Variants in ADAM20 observed in about 807,000 individuals in gnomAD.
The protein encoded by ADAM20 is ADAM metallopeptidase domain 20.
For missense variants in ADAM20, 871 were observed against 883.2 expected, an observed-to-expected ratio of 0.99 and a Z score of 0.18; for synonymous variants, 305 against 310.2, an observed-to-expected ratio of 0.98 and a Z score of 0.18.
At chr14:70,556,187 T>C in the ADAM20 span, 1 of 152,502 alleles carries the variant, frequency 6.6e-6, no homozygotes. Context: ...CAGGCCCTAC[T>C]GGCGCTCTGC....
At chr14:70,560,363 T>C in the ADAM20 span, among the ~76,000 whole-genome samples, 1 of 152,138 alleles carries the variant, frequency 6.6e-6, no homozygotes, top group Non-Finnish European at 1.5e-5. Flanking sequence ...TGAATAAAGA[T>C]GCTAATAAAC....
rs1390507593 is a variant in ADAM20, at chr14:70,523,149, G to A, written c.1609C>T (p.Gln537Ter). 2 of 1,613,828 alleles carry A rather than the reference G, an allele frequency of 1.2e-6. No homozygotes were observed. The highest frequency in any genetic ancestry group is 1.7e-6 in the Non-Finnish European group (2 of 1,179,942). ...SQSCYQEINT[Q>*]GNRFGHCGIV... ...CCACAGTGACCGAAACGGTTTCCTTGGGTGTTGATTTCTTGGTAGCAACTC... is the reference window on the plus strand; with the variant it reads ...CCACAGTGACCGAAACGGTTTCCTTAGGTGTTGATTTCTTGGTAGCAACTC... The change falls in exon 2 of 2, where the codon CAA becomes TAA. Residue 537 changes from glutamine (Q) to a stop codon, truncating the protein, a stop_gained. Transcript: ENST00000256389. LOFTEE classifies it low-confidence loss of function (END_TRUNC).
At chr14:70,566,484 A>C in the ADAM20 span, among the ~76,000 whole-genome samples, 3 of 152,158 alleles carry the variant, frequency 2.0e-5, no homozygotes, top group Non-Finnish European at 4.4e-5. Flanking sequence ...AAATCAAGTC[A>C]CCAAAGAAGA....
chr14:70,548,754 C>A, the ADAM20 span, among the ~76,000 whole-genome samples: 2 of 104,070 alleles, frequency 1.9e-5, no homozygotes, highest in Non-Finnish European at 3.8e-5. Context: ...AGGAGAACTT[C>A]CCCAATCTAG....
the ADAM20 span, among the ~76,000 whole-genome samples, chr14:70,555,598 G>A: frequency 6.6e-6 from 1 of 152,010 alleles, no homozygotes; most frequent in African/African-American, 2.4e-5. Context: ...AGTTCTCTGT[G>A]GAAACAACTT....
upstream of ADAM20, among the ~76,000 whole-genome samples, chr14:70,539,081 C>A (rs1309657370): frequency 6.6e-6 from 1 of 151,576 alleles, no homozygotes; most frequent in Non-Finnish European, 1.5e-5. Flanking sequence ...CCAGAACGAG[C>A]CAACAGTGCA....
At chr14:70,555,154 C>G in the ADAM20 span, among the ~76,000 whole-genome samples, 1 of 151,994 alleles carries the variant, frequency 6.6e-6, no homozygotes, top group Non-Finnish European at 1.5e-5. Flanking sequence ...GTTTCAGTAA[C>G]GAAAGTGAAT....
chr14:70,577,663 G>C, the ADAM20 span, among the ~76,000 whole-genome samples: 1 of 152,132 alleles, frequency 6.6e-6, no homozygotes, highest in Non-Finnish European at 1.5e-5. Flanking sequence ...CAAAACTACA[G>C]TAATCAAAAA....
chr14:70,555,612 G>GA, the ADAM20 span, among the ~76,000 whole-genome samples: 705 of 152,236 alleles, frequency 4.6e-3, 6 homozygotes, highest in African/African-American at 0.016. Flanking sequence ...ACAACTTATT[G>GA]AAAATTTAGT....
At chr14:70,525,015 A>G (rs1466572350) in intron 1 of ADAM20, 82 bp from the exon 2 acceptor site, 21 of 1,228,938 alleles carry the variant, frequency 1.7e-5, no homozygotes, top group Middle Eastern at 2.9e-4. Context: ...CTGCATTTGG[A>G]CCATATTTGA....
chr14:70,534,714 C>T lies in ADAM20; in HGVS notation c.-177+83G>A, dbSNP rs538829775. The T allele has an allele frequency of 3.3e-5, 5 of 152,204 alleles. No individual in the cohort carries two copies. In the South Asian group the frequency reaches 8.3e-4, roughly 25 times the overall value. The allele number at this position is 152,204 out of a possible 1,614,324, so 9.4% of individuals were successfully genotyped here. ...CAATGGATATATAATTTCAGTCATA[C>T]AAGATGAAAAAGTTCTAGAGGTATG... On this transcript the variant is annotated intron_variant, in intron 1 of 1. Coordinates refer to ENST00000256389, the MANE Select transcript of ADAM20 (RefSeq NM_003814.5).
chr14:70,546,860 A>C, the ADAM20 span, among the ~76,000 whole-genome samples: 48,959 of 152,004 alleles, frequency 0.32, 9,549 homozygotes, highest in East Asian at 0.56. Flanking sequence ...ATCAACATTT[A>C]AAGAAATTGA....
chr14:70,574,345 G>A, the ADAM20 span, among the ~76,000 whole-genome samples: 2 of 152,072 alleles, frequency 1.3e-5, no homozygotes, highest in Admixed American at 1.3e-4. Flanking sequence ...AGCAATATAT[G>A]CTACATTAAG....
chr14:70,559,630 A>G, the ADAM20 span, among the ~76,000 whole-genome samples: 1 of 152,200 alleles, frequency 6.6e-6, no homozygotes, highest in Non-Finnish European at 1.5e-5. Flanking sequence ...GGTTGTACCC[A>G]ATATACCTCC....
chr14:70,562,030 T>C, the ADAM20 span, among the ~76,000 whole-genome samples: 35 of 152,282 alleles, frequency 2.3e-4, no homozygotes, highest in South Asian at 6.4e-3. Context: ...GACCCCAGAA[T>C]GGCAGATCCA....
At chr14:70,553,221 A>T in the ADAM20 span, among the ~76,000 whole-genome samples, 1 of 70,844 alleles carries the variant, frequency 1.4e-5, no homozygotes, top group East Asian at 4.4e-4. Context: ...ATGACACATT[A>T]GTGGGTGCAG....
upstream of ADAM20, among the ~76,000 whole-genome samples, chr14:70,539,415 T>C (rs1014288036): frequency 1.3e-5 from 2 of 152,214 alleles, no homozygotes; most frequent in African/African-American, 4.8e-5. Flanking sequence ...AATGCGACCC[T>C]TGTGGGGAGC....
chr14:70,526,410 T>G (rs1317938204), intron 1 of ADAM20, among the ~76,000 whole-genome samples: 2 of 152,118 alleles, frequency 1.3e-5, no homozygotes, highest in African/African-American at 4.8e-5. Flanking sequence ...ATGAGACCTC[T>G]TAGGTAAAGT....
chr14:70,578,022 AT>A, the ADAM20 span, among the ~76,000 whole-genome samples: 1 of 152,166 alleles, frequency 6.6e-6, no homozygotes, highest in Non-Finnish European at 1.5e-5. Flanking sequence ...GAAATAATAA[AT>A]TGGACGTTAG....
Sources: allele counts gnomAD v4.1 joint callset (sites outside exome capture counted in the v4.1 genomes callset), GRCh38; gene constraint gnomAD v4.1.1; transcripts MANE v1.5; gene names NCBI Gene and HGNC (gene_info 2026-07-23, HGNC 2026-07-21).